Variants in PAK3 observed in about 807,000 individuals in gnomAD.
The protein encoded by PAK3 is p21 (RAC1) activated kinase 3.
A neutral mutation model predicts 41.0 loss-of-function variants in PAK3; 4 were observed. The ratio of observed to expected loss-of-function variants is 0.10; its 90% CI spans 0.05 to 0.22. PAK3 has a LOEUF of 0.22. Ranked by LOEUF, PAK3 falls within the 10% of genes least tolerant of loss-of-function variation. The pLI, the probability that PAK3 is intolerant of heterozygous loss-of-function variation, is 1.00. For synonymous variants in PAK3, 146 were observed against 139.6 expected, an observed-to-expected ratio of 1.05 and a Z score of -0.32; for missense variants, 205 against 409.9, an observed-to-expected ratio of 0.50 and a Z score of 4.32.
intron 4 of PAK3, among the ~76,000 whole-genome samples, chrX:111,118,563 C>T (rs1015047823): frequency 1.0e-4 from 11 of 110,515 alleles, no homozygotes; most frequent in Non-Finnish European, 2.1e-4. Flanking sequence ...ATGAAAAGGG[C>T]GTTAAACAGC....
intron 1 of PAK3, among the ~76,000 whole-genome samples, chrX:111,077,654 T>A (rs1463088586): frequency 8.9e-6 from 1 of 111,886 alleles, no homozygotes; most frequent in African/African-American, 3.2e-5. Context: ...ACACAAAGAC[T>A]AAGTCAAAAT....
intron 16 of PAK3, among the ~76,000 whole-genome samples, chrX:111,203,511 C>T (rs1459833815): frequency 1.8e-5 from 2 of 111,479 alleles, no homozygotes; most frequent in Non-Finnish European, 3.8e-5. Context: ...AGTGCATTAC[C>T]TATATGGCAA....
At chrX:111,104,730 C>G (rs1250643648) in intron 4 of PAK3, among the ~76,000 whole-genome samples, 1 of 111,570 alleles carries the variant, frequency 9.0e-6, no homozygotes, top group Admixed American at 9.5e-5. Context: ...CCATTTTCTC[C>G]TATGATAATC....
chrX:111,181,599 A>T (rs1338996565), intron 11 of PAK3, among the ~76,000 whole-genome samples: 2 of 111,856 alleles, frequency 1.8e-5, no homozygotes, highest in Non-Finnish European at 3.8e-5. Flanking sequence ...TTAATCTAAC[A>T]TGAAAGTCTC....
chrX:111,042,171 T>C, intron 1 of PAK3, among the ~76,000 whole-genome samples: 1 of 111,687 alleles, frequency 9.0e-6, no homozygotes, highest in Non-Finnish European at 1.9e-5. Flanking sequence ...AGATGTGTGG[T>C]ACCCTCGAAT....
intron 1 of PAK3, among the ~76,000 whole-genome samples, chrX:111,005,686 G>A (rs949946614): frequency 9.0e-5 from 10 of 111,534 alleles, no homozygotes; most frequent in African/African-American, 2.9e-4. Context: ...CTATATCCCC[G>A]GTGTTCTTTT....
rs775606139 is a variant in PAK3 at position 111,033,767 on chromosome X, C to T, written c.-28+89139C>T. On this transcript the variant is annotated intron_variant, in intron 1 of 14. Coordinates refer to the PAK3 transcript ENST00000425146. Reference sequence around the variant, plus strand: ...CCCTCACTTACTCCAGCCCACACTCCGTCAGACATTGCAAAACAGCACTAT... The same window carrying T: ...CCCTCACTTACTCCAGCCCACACTCTGTCAGACATTGCAAAACAGCACTAT... Among the ~76,000 whole-genome samples the T allele has an allele frequency of 7.4e-4, 83 of 111,873 alleles. 1 individual carries two copies. The highest frequency in any genetic ancestry group is 2.5e-3 in the African/African-American group (77 of 30,774).
intron 1 of PAK3, among the ~76,000 whole-genome samples, chrX:110,970,250 GTTGT>G (rs2091177887): frequency 9.0e-6 from 1 of 111,630 alleles, no homozygotes; most frequent in Non-Finnish European, 1.9e-5. Flanking sequence ...TTTTGATGGG[GTTGT>G]TTGTTTTTTT....
intron 1 of PAK3, among the ~76,000 whole-genome samples, chrX:110,981,571 A>G (rs1372851747): frequency 9.2e-6 from 1 of 108,321 alleles, no homozygotes; most frequent in African/African-American, 3.4e-5. Flanking sequence ...GTGTGTGTGT[A>G]CAGAAAAAGA....
chrX:110,952,563 C>T (rs2090765520), intron 1 of PAK3, among the ~76,000 whole-genome samples: 1 of 110,071 alleles, frequency 9.1e-6, no homozygotes, highest in Non-Finnish European at 1.9e-5. Flanking sequence ...TTTAATAATG[C>T]CCTTTGTACT....
chrX:111,042,547 C>T (rs1030846531), intron 1 of PAK3, among the ~76,000 whole-genome samples: 12 of 111,839 alleles, frequency 1.1e-4, no homozygotes, highest in Non-Finnish European at 1.7e-4. Context: ...GCCAGCCCTG[C>T]TCGCCATCCT....
intron 1 of PAK3, among the ~76,000 whole-genome samples, chrX:111,048,989 G>A (rs983458680): frequency 6.3e-5 from 7 of 111,683 alleles, no homozygotes; most frequent in African/African-American, 1.6e-4. Context: ...AGGGCCCTGC[G>A]GGATTTGGCC....
chrX:110,946,691 A>G (rs913627852), intron 1 of PAK3, among the ~76,000 whole-genome samples: 2 of 112,541 alleles, frequency 1.8e-5, no homozygotes, highest in Non-Finnish European at 3.7e-5. Context: ...TACTTTTTGC[A>G]CAAAAATTTA....
At chrX:111,138,487 C>T (rs2093824094) in intron 5 of PAK3, among the ~76,000 whole-genome samples, 1 of 111,440 alleles carries the variant, frequency 9.0e-6, no homozygotes, top group African/African-American at 3.3e-5. Context: ...CATGAAAGGA[C>T]AGGCATTTAA....
chrX:111,149,772 G>A (rs775143170), intron 7 of PAK3, among the ~76,000 whole-genome samples: 97 of 111,962 alleles, frequency 8.7e-4, no homozygotes, highest in African/African-American at 3.0e-3. Flanking sequence ...CTGGGCCTAT[G>A]GGCCTGTGAT....
chrX:111,166,631 A>T (rs1211680005), intron 10 of PAK3, among the ~76,000 whole-genome samples: 1 of 111,231 alleles, frequency 9.0e-6, no homozygotes, highest in African/African-American at 3.3e-5. Context: ...TGTCTATAGG[A>T]TGGATTTTAA....
At chrX:111,120,167 A>G (rs1316268925) in intron 4 of PAK3, among the ~76,000 whole-genome samples, 1 of 111,916 alleles carries the variant, frequency 8.9e-6, no homozygotes, top group African/African-American at 3.2e-5. Context: ...TGACATTGAA[A>G]CACTTCCAGT....
At chrX:111,115,328 A>G (rs1419839590) in intron 4 of PAK3, among the ~76,000 whole-genome samples, 1 of 111,859 alleles carries the variant, frequency 8.9e-6, no homozygotes, top group Non-Finnish European at 1.9e-5. Flanking sequence ...TTCTAAAGAG[A>G]CTGCTTTGGG....
chrX:111,001,866 A>G (rs1295606838), intron 1 of PAK3, among the ~76,000 whole-genome samples: 2 of 110,470 alleles, frequency 1.8e-5, no homozygotes, highest in South Asian at 3.9e-4. Flanking sequence ...AGCCTAATTC[A>G]TGGGAGGCTT....
Sources: allele counts gnomAD v4.1 joint callset (sites outside exome capture counted in the v4.1 genomes callset), GRCh38; gene constraint gnomAD v4.1.1; transcripts MANE v1.5; gene names NCBI Gene and HGNC (gene_info 2026-07-23, HGNC 2026-07-21).